Variants in DLGAP2 observed in about 807,000 individuals in gnomAD.
DLGAP2 encodes the protein DLG associated protein 2.
DLGAP2 carries 26 observed loss-of-function variants against 100.3 expected under a neutral mutation model. That is an observed-to-expected ratio of 0.26 (90% CI 0.19 to 0.36). The LOEUF (loss-of-function observed/expected upper bound fraction) is 0.36, where lower values mean the gene tolerates loss of function less well. Among genes scored for constraint, DLGAP2 ranks in the 10% least tolerant of loss-of-function variants. DLGAP2 has a pLI of 1.00. For synonymous variants in DLGAP2, 886 were observed against 630.1 expected, an observed-to-expected ratio of 1.41 and a Z score of -6.08; for missense variants, 1,858 against 1,453.2, an observed-to-expected ratio of 1.28 and a Z score of -4.53.
intron 2 of DLGAP2, among the ~76,000 whole-genome samples, chr8:1,028,430 G>A (rs1238075928): frequency 3.4e-5 from 5 of 148,102 alleles, no homozygotes; most frequent in Non-Finnish European, 7.4e-5. Flanking sequence ...CAGGTGGGGT[G>A]TCAGGCGCCC....
intron 2 of DLGAP2, among the ~76,000 whole-genome samples, chr8:1,249,509 T>G (rs544542861): frequency 7.8e-4 from 118 of 152,220 alleles, no homozygotes; most frequent in Non-Finnish European, 1.5e-3. Flanking sequence ...TGAACAATCT[T>G]TTGCTTGATG....
intron 7 of DLGAP2, among the ~76,000 whole-genome samples, chr8:1,629,784 C>G (rs1304889462): frequency 6.6e-6 from 1 of 152,218 alleles, no homozygotes; most frequent in African/African-American, 2.4e-5. Context: ...TACTTTTCCA[C>G]AAACAACTTT....
At chr8:1,587,090 A>C (rs1796144532) in intron 6 of DLGAP2, among the ~76,000 whole-genome samples, 1 of 152,164 alleles carries the variant, frequency 6.6e-6, no homozygotes. Context: ...GTTTCCCTAA[A>C]AACATTACAG....
chr8:1,209,443 G>A (rs1437947123), intron 2 of DLGAP2, among the ~76,000 whole-genome samples: 1 of 152,088 alleles, frequency 6.6e-6, no homozygotes, highest in Non-Finnish European at 1.5e-5. Flanking sequence ...ATATATCATT[G>A]CATATGTAGT....
At chr8:922,584 G>C (rs911762894) in intron 2 of DLGAP2, among the ~76,000 whole-genome samples, 11 of 152,176 alleles carry the variant, frequency 7.2e-5, no homozygotes, top group Non-Finnish European at 1.5e-4. Flanking sequence ...ATTCTGGGAT[G>C]GTTTTGTGGG....
intron 3 of DLGAP2, among the ~76,000 whole-genome samples, chr8:1,283,410 TG>T (rs1799860885): frequency 6.6e-6 from 1 of 152,222 alleles, no homozygotes; most frequent in African/African-American, 2.4e-5. Flanking sequence ...CACGTGTCTT[TG>T]GGTATCATAT....
intron 1 of DLGAP2, among the ~76,000 whole-genome samples, chr8:875,307 C>G (rs1370781559): frequency 3.3e-5 from 5 of 152,116 alleles, no homozygotes; most frequent in African/African-American, 1.2e-4. Context: ...TCATATGTCT[C>G]TGATATGGTT....
At chr8:815,319 C>G (rs187690163) in intron 1 of DLGAP2, among the ~76,000 whole-genome samples, 18 of 152,308 alleles carry the variant, frequency 1.2e-4, no homozygotes, top group Admixed American at 9.8e-4. Flanking sequence ...AGGAGCAGAA[C>G]ACCCTGTTCC....
intron 2 of DLGAP2, among the ~76,000 whole-genome samples, chr8:984,096 A>T (rs932505268): frequency 6.6e-6 from 1 of 152,104 alleles, no homozygotes; most frequent in Non-Finnish European, 1.5e-5. Context: ...ACCTGTCCCT[A>T]CCTCGTAGCA....
intron 1 of DLGAP2, among the ~76,000 whole-genome samples, chr8:787,137 C>T (rs943909594): frequency 6.6e-6 from 1 of 152,194 alleles, no homozygotes; most frequent in Non-Finnish European, 1.5e-5. Context: ...AGCAAACCTC[C>T]CTACCCCTCA....
At chr8:1,112,258 T>TTTTTG (rs1804980798) in intron 2 of DLGAP2, among the ~76,000 whole-genome samples, 1 of 149,044 alleles carries the variant, frequency 6.7e-6, no homozygotes. Flanking sequence ...TTTTTTTTTT[T>TTTTTG]GAGACAGAGT....
At chr8:934,388 C>T (rs1275796700) in intron 2 of DLGAP2, among the ~76,000 whole-genome samples, 1 of 152,170 alleles carries the variant, frequency 6.6e-6, no homozygotes, top group African/African-American at 2.4e-5. Context: ...GCTGTGGAGA[C>T]ACCTGGCTCT....
chr8:853,174 C>T (rs948656267), intron 1 of DLGAP2, among the ~76,000 whole-genome samples: 3 of 152,240 alleles, frequency 2.0e-5, no homozygotes, highest in Non-Finnish European at 2.9e-5. Context: ...TCCCAGGGCT[C>T]GGCACAGCTG....
chr8:942,609 C>T (rs988265949), intron 2 of DLGAP2, among the ~76,000 whole-genome samples: 1 of 152,362 alleles, frequency 6.6e-6, no homozygotes, highest in Admixed American at 6.5e-5. Flanking sequence ...GACTCAGGAG[C>T]TAACATCTCA....
intron 2 of DLGAP2, among the ~76,000 whole-genome samples, chr8:1,102,349 T>A (rs1438172101): frequency 6.8e-6 from 1 of 147,654 alleles, no homozygotes; most frequent in East Asian, 1.9e-4. Context: ...TAATTATATA[T>A]TATATATCTA....
intron 2 of DLGAP2, among the ~76,000 whole-genome samples, chr8:1,233,754 A>T (rs1234611105): frequency 6.6e-6 from 1 of 152,200 alleles, no homozygotes; most frequent in East Asian, 1.9e-4. Flanking sequence ...AGTATTTAGG[A>T]CATCAGGGTC....
At chr8:821,442 C>G (rs1389572657) in intron 1 of DLGAP2, among the ~76,000 whole-genome samples, 1 of 152,154 alleles carries the variant, frequency 6.6e-6, no homozygotes, top group Non-Finnish European at 1.5e-5. Flanking sequence ...GTACTTCCTC[C>G]GATTCATTTC....
intron 8 of DLGAP2, among the ~76,000 whole-genome samples, chr8:1,639,524 A>G (rs1797846907): frequency 1.3e-5 from 2 of 152,350 alleles, no homozygotes; most frequent in African/African-American, 4.8e-5. Flanking sequence ...CAAATTCAGC[A>G]CAGCGGAGAC....
intron 1 of DLGAP2, among the ~76,000 whole-genome samples, chr8:855,566 A>G (rs146660451): frequency 6.6e-6 from 1 of 152,134 alleles, no homozygotes; most frequent in Non-Finnish European, 1.5e-5. Context: ...TGAGAGGGGG[A>G]TAGGTCTGTA....
Sources: allele counts gnomAD v4.1 joint callset (sites outside exome capture counted in the v4.1 genomes callset), GRCh38; gene constraint gnomAD v4.1.1; transcripts MANE v1.5; gene names NCBI Gene and HGNC (gene_info 2026-07-23, HGNC 2026-07-21).